CNGB3: variants seen among roughly 807,000 people sequenced by gnomAD.
CNGB3 encodes cyclic nucleotide gated channel subunit beta 3, also known as cyclic nucleotide-gated channel beta-3.
CNGB3 carries 86 observed loss-of-function variants against 92.8 expected under a neutral mutation model. The ratio of observed to expected loss-of-function variants is 0.93; its 90% CI spans 0.78 to 1.11. The LOEUF is 1.11. Ranked by LOEUF, CNGB3 falls within the 50% of genes least tolerant of loss-of-function variation. The probability of loss-of-function intolerance (pLI) is 0.00; values close to 1 mark genes in which losing one functional copy is unlikely to be tolerated. For synonymous variants in CNGB3, 333 were observed against 332.7 expected (o/e 1.00, Z -0.01); for missense variants, 1,026 against 956.8 (o/e 1.07, Z -0.95).
chr8:86,643,019 G>C (rs1367564253), intron 10 of CNGB3, among the ~76,000 whole-genome samples: 1 of 151,200 alleles, frequency 6.6e-6, no homozygotes, highest in African/African-American at 2.4e-5. Context: ...TTACCTTACT[G>C]CTCAGTTGTC....
intron 1 of CNGB3, 66 bp from the exon 2 acceptor site, chr8:86,739,802 A>C (rs1329953697): frequency 6.5e-7 from 1 of 1,536,940 alleles, no homozygotes; most frequent in African/African-American, 1.4e-5. Context: ...AATGTAAAAC[A>C]TAACACCATT....
At chr8:86,721,001 C>G (rs896676294) in intron 3 of CNGB3, among the ~76,000 whole-genome samples, 1 of 151,736 alleles carries the variant, frequency 6.6e-6, no homozygotes, top group African/African-American at 2.4e-5. Flanking sequence ...GAGTCTTGCT[C>G]TGTTGTCCAG....
intron 15 of CNGB3, among the ~76,000 whole-genome samples, chr8:86,591,610 C>T (rs1822038277): frequency 6.6e-6 from 1 of 152,140 alleles, no homozygotes; most frequent in African/African-American, 2.4e-5. Context: ...TGTGAGGTGT[C>T]AGTGTGCCCC....
chr8:86,630,905 G>A (rs1822949757), intron 11 of CNGB3, among the ~76,000 whole-genome samples: 1 of 152,210 alleles, frequency 6.6e-6, no homozygotes, highest in Non-Finnish European at 1.5e-5. Flanking sequence ...TAGTTCCATC[G>A]TATAGTCTCT....
At chr8:86,600,724 C>T (rs1822279525) in intron 15 of CNGB3, among the ~76,000 whole-genome samples, 2 of 150,170 alleles carry the variant, frequency 1.3e-5, no homozygotes, top group South Asian at 4.2e-4. Flanking sequence ...ATTCTCCTGC[C>T]TCAGCCTCCC....
chr8:86,701,477 A>G (rs7845157), intron 3 of CNGB3, among the ~76,000 whole-genome samples: 8,207 of 152,256 alleles, frequency 0.054, 350 homozygotes, highest in African/African-American at 0.12. Flanking sequence ...TTCTAATTCA[A>G]TTGCACTTAA....
At chr8:86,700,920 G>GTGAGC (rs1361245391) in intron 3 of CNGB3, among the ~76,000 whole-genome samples, 9 of 152,274 alleles carry the variant, frequency 5.9e-5, no homozygotes, top group African/African-American at 1.9e-4. Context: ...GATTACAGGC[G>GTGAGC]TGAGCCACTG....
At position 86,631,177 on chromosome 8, in the gene CNGB3, C is replaced by T. The variant is rs370082092; in HGVS notation, c.1320+1575G>A. ...TATAAAACAGCACTTTTCAAACATT[C>T]GTGTGTGTATGAATCACTTGACGAT... On this transcript the variant is annotated intron_variant, in intron 11 of 17. Transcript: ENST00000320005. Among the ~76,000 whole-genome samples the T allele has an allele frequency of 3.3e-5, 5 of 152,192 alleles. No homozygotes were observed. The East Asian group carries it at 5.8e-4, about 18-fold the overall frequency.
chr8:86,632,986 A>C, intron 10 of CNGB3, 93 bp from the exon 11 acceptor site: 1 of 1,163,100 alleles, frequency 8.6e-7, no homozygotes, highest in Non-Finnish European at 1.3e-6. Flanking sequence ...AATTATAACA[A>C]ATTTCCTACT....
At chr8:86,612,184 AG>A (rs1012715735) in intron 13 of CNGB3, among the ~76,000 whole-genome samples, 7 of 151,962 alleles carry the variant, frequency 4.6e-5, no homozygotes, top group Non-Finnish European at 5.9e-5. Context: ...TTCTTAAGGC[AG>A]GGAAAAAAAA....
intron 6 of CNGB3, chr8:86,660,891 C>T (rs1158453327): frequency 2.9e-6 from 1 of 345,886 alleles, no homozygotes; most frequent in Non-Finnish European, 5.8e-6. Context: ...CAATAACATT[C>T]TTCCCAGGCC....
At chr8:86,597,431 A>G (rs1822196047) in intron 15 of CNGB3, among the ~76,000 whole-genome samples, 1 of 152,194 alleles carries the variant, frequency 6.6e-6, no homozygotes, top group Non-Finnish European at 1.5e-5. Flanking sequence ...GAAGAAATAA[A>G]TGCACTAATG....
chr8:86,704,153 A>G (rs1824609002), intron 3 of CNGB3: 1 of 152,230 alleles, frequency 6.6e-6, no homozygotes, highest in South Asian at 2.1e-4. Context: ...TACATACTGC[A>G]TTCTTACAAT....
chr8:86,670,724 C>T (rs916309933), intron 4 of CNGB3, among the ~76,000 whole-genome samples: 1 of 152,080 alleles, frequency 6.6e-6, no homozygotes, highest in African/African-American at 2.4e-5. Flanking sequence ...AGGTGTGAGC[C>T]ACTGCACCCC....
chr8:86,715,717 A>G (rs2131662823), intron 3 of CNGB3, among the ~76,000 whole-genome samples: 1 of 151,624 alleles, frequency 6.6e-6, no homozygotes, highest in African/African-American at 2.4e-5. Context: ...CACCAGAGGA[A>G]GGTGAAATCC....
intron 2 of CNGB3, among the ~76,000 whole-genome samples, chr8:86,735,042 G>GTTTTTTTTTTTTTTTT (rs60107723): frequency 2.3e-5 from 2 of 85,886 alleles, no homozygotes; most frequent in African/African-American, 4.9e-5. Flanking sequence ...AATGCCGGTG[G>GTTTTTTTTTTTTTTTT]TTTTTTTTTT....
At chr8:86,741,755 A>G (rs1239862476) in intron 1 of CNGB3, among the ~76,000 whole-genome samples, 2 of 152,206 alleles carry the variant, frequency 1.3e-5, no homozygotes, top group Non-Finnish European at 2.9e-5. Context: ...GGCATGGGAT[A>G]TACCTAAGGG....
intron 13 of CNGB3, among the ~76,000 whole-genome samples, chr8:86,622,369 ATTC>A (rs1274642210): frequency 2.4e-5 from 3 of 123,128 alleles, no homozygotes; most frequent in Non-Finnish European, 4.7e-5. Flanking sequence ...TTTTGGGGCC[ATTC>A]TTCTTTTTTT....
chr8:86,607,411 C>T (rs183904180), intron 14 of CNGB3, among the ~76,000 whole-genome samples: 73 of 152,120 alleles, frequency 4.8e-4, no homozygotes, highest in East Asian at 4.5e-3. Context: ...TGAGGTAACC[C>T]CTGGAGATAG....
Sources: allele counts gnomAD v4.1 joint callset (sites outside exome capture counted in the v4.1 genomes callset), GRCh38; gene constraint gnomAD v4.1.1; transcripts MANE v1.5; gene names NCBI Gene and HGNC (gene_info 2026-07-23, HGNC 2026-07-21).